The following MYOM2 variants were observed in gnomAD, a reference collection of about 807,000 sequenced individuals.
MYOM2 encodes myomesin 2.
Under a neutral mutation model 187.6 loss-of-function variants are expected in MYOM2, and 254 were observed. The ratio of observed to expected loss-of-function variants is 1.35; its 90% CI spans 1.22 to 1.50. MYOM2 has a LOEUF of 1.50. Ranked by LOEUF, MYOM2 falls within the 40% of genes most tolerant of loss-of-function variation. MYOM2 has a pLI of 0.00. For missense variants in MYOM2, 2,796 were observed against 1,924.0 expected (o/e 1.45, Z -8.48); for synonymous variants, 981 against 753.8 (o/e 1.30, Z -4.94).
intron 14 of MYOM2, among the ~76,000 whole-genome samples, chr8:2,086,478 A>ATCTCTGCGTGGCCTCCCACTGTTG (rs1796071635): frequency 9.7e-6 from 1 of 102,762 alleles, no homozygotes; most frequent in Non-Finnish European, 1.9e-5. Flanking sequence ...ACACACTGTC[A>ATCTCTGCGTGGCCTCCCACTGTTG]TGATCTCTGT....
intron 32 of MYOM2, among the ~76,000 whole-genome samples, chr8:2,137,066 C>G (rs1174839518): frequency 6.6e-6 from 1 of 151,760 alleles, no homozygotes; most frequent in East Asian, 1.9e-4. Flanking sequence ...GTCTCTCTCT[C>G]TTTCTCACAC....
Position 2,057,356 on chromosome 8 carries a change from C to G in MYOM2, c.272C>G (p.Ser91Cys). 2 of 1,606,898 alleles carry G rather than the reference C, an allele frequency of 1.2e-6. No individual in the cohort carries two copies. The highest frequency in any genetic ancestry group is 8.5e-7 in the Non-Finnish European group (1 of 1,176,214). The stretch of plus-strand genomic sequence containing the variant: ...CTTCTCGGCTCCTGCAGGTACCAGT[C>G]CCTGGTGGCCGCCTATGGTGAGGCC... ...EEQENRSRYQ[S>C]LVAAYGEAKR... Residue 91 changes from serine (S) to cysteine (C), a missense_variant, in exon 4 of 37, where the codon TCC (serine) becomes TGC (cysteine). Ser to Cys is a moderately radical substitution (Grantham distance 112). Coordinates refer to ENST00000262113, the MANE Select transcript of MYOM2 (RefSeq NM_003970.4).
At chr8:2,126,578 A>T (rs962572895) in intron 31 of MYOM2, among the ~76,000 whole-genome samples, 2 of 152,116 alleles carry the variant, frequency 1.3e-5, no homozygotes, top group African/African-American at 4.8e-5. Flanking sequence ...TCACACACTG[A>T]TGCATACAGA....
rs548980407 is a variant in MYOM2, at chr8:2,071,597, G to A, written c.794-748G>A. On this transcript the variant is annotated intron_variant, in intron 8 of 36. Transcript: ENST00000262113. ...GGCTGAGGTTGGACTTAAACCTTTG[G>A]TCTTCACACACGATCAGGTTCTCAG... is the stretch of plus-strand genomic sequence containing the variant. 2.0e-5 allele frequency among the ~76,000 whole-genome samples: 3 copies of A among 152,256 alleles called. No homozygotes were observed. The East Asian group carries it at 5.8e-4, about 29-fold the overall frequency.
chr8:2,119,582 G>T, intron 28 of MYOM2: 1 of 152,544 alleles, frequency 6.6e-6, no homozygotes. Flanking sequence ...GGTGGGCTGA[G>T]GAGATGGGAC....
At position 2,145,233 on chromosome 8, in the gene MYOM2, G is replaced by A. The variant is rs749713318; in HGVS notation, c.*252G>A. Reference sequence around the variant, plus strand: ...GTAGACGGCAGATGCCTGACAGAGAGTGGGTTGGCAGACAACACACTAGAA... The same window carrying A: ...GTAGACGGCAGATGCCTGACAGAGAATGGGTTGGCAGACAACACACTAGAA... On this transcript the variant is annotated 3_prime_UTR_variant, in exon 37 of 37. Transcript: ENST00000262113. 2.3e-5 allele frequency: 13 copies of A among 569,296 alleles called. No homozygotes were observed. The highest frequency in any genetic ancestry group is 3.8e-5 in the African/African-American group (2 of 52,976). The allele number at this position is 569,296 out of a possible 1,614,324, so 35.3% of individuals were successfully genotyped here. A position where few individuals can be genotyped will look rare whatever the true frequency, so the allele number is the denominator to read the frequency against.
In MYOM2 at chr8:2,096,298, C is replaced by G; in HGVS notation, c.2177C>G (p.Ser726Cys). 1 of 1,614,194 alleles carries G rather than the reference C, an allele frequency of 6.2e-7. No homozygotes were observed. The highest frequency in any genetic ancestry group is 8.5e-7 in the Non-Finnish European group (1 of 1,180,040). ...ACGCTCCTCAACTGTGACGGCCACT[C>G]CATGACCCTCGGCTGGAAGGTCCCG... ...GITLLNCDGH[S>C]MTLGWKVPKF... The change falls in exon 18 of 37, where the codon TCC becomes TGC. Residue 726 changes from serine (S) to cysteine (C), a missense_variant. By Grantham distance (112) the Ser-to-Cys change is moderately radical. Transcript: ENST00000262113.
intron 28 of MYOM2, among the ~76,000 whole-genome samples, chr8:2,120,680 T>TAATATATATA: frequency 2.1e-5 from 1 of 48,300 alleles, no homozygotes; most frequent in East Asian, 7.5e-4. Flanking sequence ...ATATATTATA[T>TAATATATATA]TATATATAAA....
At chr8:2,085,528 G>GTGATCTCTGTGTGGCCCCTCACTGTCA (rs1819817195) in intron 14 of MYOM2, 138 bp downstream of exon 14, 1 of 515,962 alleles carries the variant, frequency 1.9e-6, no homozygotes, top group Non-Finnish European at 3.0e-6. Flanking sequence ...CCCCACTGTT[G>GTGATCTCTGTGTGGCCCCTCACTGTCA]TGATCTCTGC....
chr8:2,092,595 C>CT, intron 16 of MYOM2, 75 bp downstream of exon 16: 1 of 1,462,128 alleles, frequency 6.8e-7, no homozygotes, highest in Non-Finnish European at 9.3e-7. Context: ...GTGGCCCTGG[C>CT]ACAGGGAGTA....
At chr8:2,107,657 G>C (rs1796939428) in intron 23 of MYOM2, among the ~76,000 whole-genome samples, 1 of 152,148 alleles carries the variant, frequency 6.6e-6, no homozygotes, top group South Asian at 2.1e-4. Context: ...GCAGACAAAT[G>C]AGGAGGCCGC....
chr8:2,127,260 C>T (rs1194402970), intron 31 of MYOM2, among the ~76,000 whole-genome samples: 2 of 152,100 alleles, frequency 1.3e-5, no homozygotes, highest in Admixed American at 6.5e-5. Flanking sequence ...GAAACAGAGT[C>T]CCACCTGACT....
rs746594641 is a variant in MYOM2 at position 2,073,344 on chromosome 8, C to T, written c.964C>T (p.Leu322=). The T allele has an allele frequency of 3.1e-6, 5 of 1,604,500 alleles. No individual in the cohort carries two copies. Among genetic ancestry groups the T allele is most frequent in the South Asian group, 1.1e-5 (1 of 90,274 alleles). ...CCGTGTTAACGCTCTTTCAGACGTG[C>T]TGTTGAAAGAGTCCAAGTGGACGAA... ...PRAEWYRDDV[L]LKESKWTKMF... The change falls in exon 10 of 37, where the codon CTG becomes TTG. Residue 322 remains leucine, a synonymous_variant. Transcript: ENST00000262113.
intron 17 of MYOM2, among the ~76,000 whole-genome samples, chr8:2,095,434 G>A (rs991916195): frequency 1.3e-5 from 2 of 151,948 alleles, no homozygotes; most frequent in Non-Finnish European, 2.9e-5. Flanking sequence ...TAGGACCACA[G>A]GCACCACCAC....
chr8:2,089,232 G>GTTTTTTTTTTT (rs1796208779), intron 14 of MYOM2, among the ~76,000 whole-genome samples: 25 of 151,812 alleles, frequency 1.6e-4, no homozygotes, highest in South Asian at 2.1e-4. Flanking sequence ...TGTAATCAAG[G>GTTTTTTTTTTT]TTTTTAAAGT....
At chr8:2,137,261 T>C (rs73657781) in intron 32 of MYOM2, among the ~76,000 whole-genome samples, 19,786 of 151,858 alleles carry the variant, frequency 0.13, 2,183 homozygotes, top group African/African-American at 0.28. Flanking sequence ...CACAGGGTGA[T>C]GAGCTCACAC....
chr8:2,088,649 C>T (rs377703493), intron 14 of MYOM2, among the ~76,000 whole-genome samples: 3 of 152,236 alleles, frequency 2.0e-5, no homozygotes, highest in Non-Finnish European at 2.9e-5. Context: ...GGGGGCACCA[C>T]ATTTTCTCTC....
Position 2,057,438 on chromosome 8 carries a change from A to G in MYOM2, c.354A>G (p.Ala118=). The G allele has an allele frequency of 6.2e-7, 1 of 1,614,028 alleles. No homozygotes were observed. Among genetic ancestry groups the G allele is most frequent in the Non-Finnish European group, 8.5e-7 (1 of 1,179,996 alleles). Residue 118 remains alanine, a synonymous_variant, in exon 4 of 37, where the codon GCA becomes GCG. Coordinates refer to ENST00000262113, the MANE Select transcript of MYOM2 (RefSeq NM_003970.4). ...ACTTGGAGGAGGATGTCCACCTGGC[A>G]CGCTCCCAGGCCCGCGACAAGCTGG... is the stretch of plus-strand genomic sequence containing the variant. ...LAHLEEDVHL[A]RSQARDKLDK...
intron 25 of MYOM2, among the ~76,000 whole-genome samples, 167 bp downstream of exon 25, chr8:2,109,698 A>T (rs554950773): frequency 6.6e-6 from 1 of 152,278 alleles, no homozygotes; most frequent in East Asian, 1.9e-4. Context: ...GATTCTTACA[A>T]TGTTCAAAGG....
Sources: gnomAD v4.1 joint callset for allele counts (sites outside exome capture counted in the v4.1 genomes callset) on GRCh38, gnomAD v4.1.1 for gene constraint, MANE v1.5 for transcripts, NCBI Gene and HGNC (gene_info 2026-07-23, HGNC 2026-07-21) for gene names.